The following GRM4 variants were observed in gnomAD, a reference collection of about 807,000 sequenced individuals.
GRM4 encodes metabotropic glutamate receptor 4.
In GRM4, 28 loss-of-function variants were observed where a neutral mutation model predicts 81.7. The observed-to-expected ratio is 0.34, with a 90% CI of 0.25 to 0.47. The LOEUF is 0.47. Ranked by LOEUF, GRM4 falls within the 20% of genes least tolerant of loss-of-function variation. The pLI is 1.00. For missense variants in GRM4, 948 were observed against 1,290.0 expected, an observed-to-expected ratio of 0.73 and a Z score of 4.06; for synonymous variants, 488 against 528.8, an observed-to-expected ratio of 0.92 and a Z score of 1.06.
At chr6:34,104,566 C>T (rs1393827478) in intron 2 of GRM4, among the ~76,000 whole-genome samples, 7 of 152,152 alleles carry the variant, frequency 4.6e-5, no homozygotes, top group Admixed American at 4.6e-4. Context: ...GAGATTTGAA[C>T]CCAGGTCTGT....
rs1477466875 is a variant in GRM4, at chr6:34,074,339, G to A, written c.737-12311C>T. ...CGAGACATAGCAGGGTTGCGGTGAGGATTAGAGCGGATTGCCCGTGGACAG... is the reference window on the plus strand; with the variant it reads ...CGAGACATAGCAGGGTTGCGGTGAGAATTAGAGCGGATTGCCCGTGGACAG... On this transcript the variant is annotated intron_variant, in intron 3 of 10. Transcript: ENST00000538487. The surrounding 1 kb of genome is among the most constrained non-coding windows in gnomAD (Gnocchi z 4.9). Among the ~76,000 whole-genome samples, 4 of 152,220 alleles carry A rather than the reference G, an allele frequency of 2.6e-5. No individual in the cohort carries two copies. The highest frequency in any genetic ancestry group is 3.2e-3 in the Middle Eastern group (1 of 316).
chr6:34,135,197 C>A (rs1008979477), intron 1 of GRM4, among the ~76,000 whole-genome samples: 5 of 152,188 alleles, frequency 3.3e-5, no homozygotes, highest in African/African-American at 1.2e-4. Flanking sequence ...TCATCCCTCC[C>A]CCGTCATTCC....
intron 3 of GRM4, among the ~76,000 whole-genome samples, chr6:34,065,894 G>A (rs978624086): frequency 1.3e-5 from 2 of 152,104 alleles, no homozygotes; most frequent in African/African-American, 2.4e-5. Context: ...TCACCACTGC[G>A]CTGGGAAGTT....
chr6:34,145,679 A>AG, intron 1 of GRM4, among the ~76,000 whole-genome samples: 1 of 152,204 alleles, frequency 6.6e-6, no homozygotes, highest in Non-Finnish European at 1.5e-5. Flanking sequence ...GGGAAGCGCA[A>AG]GGGGGCGAGG....
rs571835812 is a variant in GRM4, at chr6:34,080,488, A to G, written c.736+11395T>C. 9.8e-5 allele frequency among the ~76,000 whole-genome samples: 15 copies of G among 152,352 alleles called. No homozygotes were observed. Among genetic ancestry groups the G allele is most frequent in the African/African-American group, 3.1e-4 (13 of 41,582 alleles). Reference sequence around the variant, plus strand: ...AGTGTCCTGGTCCAATGCCTGGCACATAGTCAGTGCTCAATAAATATTCAT... The same window carrying G: ...AGTGTCCTGGTCCAATGCCTGGCACGTAGTCAGTGCTCAATAAATATTCAT... On this transcript the variant is annotated intron_variant, in intron 3 of 10. Transcript: ENST00000538487. The surrounding 1 kb of genome is among the most constrained non-coding windows in gnomAD (Gnocchi z 5.4).
chr6:34,022,880 G>A lies in GRM4; in HGVS notation c.2690-10C>T, dbSNP rs756555599. ...TGTTTGGTGGCCAGCGCTGGAAGGA[G>A]AGAGACCAGGGGTACCCAGGAGTCA... On this transcript the variant is annotated splice_polypyrimidine_tract_variant and intron_variant, in intron 10 of 10. Transcript: ENST00000538487. This position sits in a 1 kb window ranked among gnomAD's most constrained non-coding sequence, Gnocchi z 5.6. The A allele has an allele frequency of 2.5e-6, 4 of 1,612,356 alleles. No individual in the cohort carries two copies. The highest frequency in any genetic ancestry group is 1.6e-4 in the Middle Eastern group (1 of 6,082).
intron 3 of GRM4, among the ~76,000 whole-genome samples, chr6:34,087,643 G>C (rs1767969678): frequency 6.6e-6 from 1 of 151,440 alleles, no homozygotes; most frequent in Non-Finnish European, 1.5e-5. Context: ...TTGACAGGGA[G>C]GAAGAAGTCC....
chr6:34,144,780 A>C (rs1165020103), intron 1 of GRM4, among the ~76,000 whole-genome samples: 1 of 152,062 alleles, frequency 6.6e-6, no homozygotes, highest in Non-Finnish European at 1.5e-5. Context: ...ACGACCCTCC[A>C]TCCGGTGGAA....
At chr6:34,099,454 C>T (rs1361336523) in intron 2 of GRM4, among the ~76,000 whole-genome samples, 1 of 151,358 alleles carries the variant, frequency 6.6e-6, no homozygotes, top group East Asian at 1.9e-4. Flanking sequence ...AGGCACTTAG[C>T]GGGAGACTCA....
intron 1 of GRM4, among the ~76,000 whole-genome samples, chr6:34,135,422 G>A (rs149592932): frequency 2.5e-4 from 38 of 152,272 alleles, no homozygotes; most frequent in African/African-American, 8.7e-4. Flanking sequence ...CAGGTGAACC[G>A]GTAGCCCAGA....
chr6:34,051,238 C>A (rs1381794649), intron 6 of GRM4, among the ~76,000 whole-genome samples: 1 of 152,240 alleles, frequency 6.6e-6, no homozygotes, highest in East Asian at 1.9e-4. Context: ...TGACTCTGGG[C>A]AAGTCCCTAA....
rs933879350 is a variant in GRM4, at chr6:34,064,585, A to G, written c.737-2557T>C. On this transcript the variant is annotated intron_variant, in intron 3 of 10. Coordinates refer to ENST00000538487, the MANE Select transcript of GRM4 (RefSeq NM_000841.4). This position sits in a 1 kb window ranked among gnomAD's most constrained non-coding sequence, Gnocchi z 4.4. Reference sequence around the variant, plus strand: ...TTGCTGCCCCCAGGATGAGAAACCAAGTGCCCGTGGGTTCCCTCTGTTTCA... The same window carrying G: ...TTGCTGCCCCCAGGATGAGAAACCAGGTGCCCGTGGGTTCCCTCTGTTTCA... Among the ~76,000 whole-genome samples, 4 of 152,208 alleles carry G rather than the reference A, an allele frequency of 2.6e-5. No individual in the cohort carries two copies. The highest frequency in any genetic ancestry group is 5.9e-5 in the Non-Finnish European group (4 of 68,020).
chr6:34,037,617 C>A (rs1315992713), intron 8 of GRM4, among the ~76,000 whole-genome samples: 1 of 152,062 alleles, frequency 6.6e-6, no homozygotes, highest in Admixed American at 6.6e-5. Context: ...GTAATCCCAG[C>A]ACTTTGGGAG....
chr6:34,079,838 C>T (rs184180710), intron 3 of GRM4, among the ~76,000 whole-genome samples: 151 of 152,298 alleles, frequency 9.9e-4, no homozygotes, highest in African/African-American at 3.5e-3. Flanking sequence ...ACCCTTGGTC[C>T]AGGCCATTGT....
intron 2 of GRM4, among the ~76,000 whole-genome samples, chr6:34,094,267 G>A (rs1225632576): frequency 1.3e-5 from 2 of 152,194 alleles, no homozygotes; most frequent in East Asian, 3.8e-4. Flanking sequence ...GGATATGGCA[G>A]GGACCTTTCA....
intron 7 of GRM4, 41 bp downstream of exon 7, chr6:34,040,507 A>G (rs1486683238): frequency 3.8e-6 from 6 of 1,563,362 alleles, no homozygotes; most frequent in Non-Finnish European, 4.4e-6. Flanking sequence ...GGCATGGCCC[A>G]GGATACCCAG....
rs1765436485 is a variant in GRM4, at chr6:34,048,019, T to C, written c.1169-7271A>G. Among the ~76,000 whole-genome samples, 1 of 152,118 alleles carries C rather than the reference T, an allele frequency of 6.6e-6. No individual in the cohort carries two copies. Among genetic ancestry groups the C allele is most frequent in the Non-Finnish European group, 1.5e-5 (1 of 68,018 alleles). On this transcript the variant is annotated intron_variant, in intron 6 of 10. Coordinates refer to ENST00000538487, the MANE Select transcript of GRM4 (RefSeq NM_000841.4). The surrounding 1 kb of genome is among the most constrained non-coding windows in gnomAD (Gnocchi z 4.0). ...TATGACAGTGAAGCCCAACTGTAAA[T>C]GACCACAGCAGCAGAGAAGCCGTGT...
upstream of GRM4, among the ~76,000 whole-genome samples, chr6:34,150,456 C>T (rs1378782947): frequency 6.6e-6 from 1 of 151,866 alleles, no homozygotes; most frequent in African/African-American, 2.4e-5. Context: ...GAGGTCAAGG[C>T]AGCTGGGAAG....
chr6:34,143,161 G>C (rs754198287), intron 1 of GRM4, among the ~76,000 whole-genome samples: 2 of 152,138 alleles, frequency 1.3e-5, no homozygotes, highest in African/African-American at 2.4e-5. Flanking sequence ...TGAAGGTATT[G>C]GCAGGTAGGC....
Sources: gnomAD v4.1 joint callset for allele counts (sites outside exome capture counted in the v4.1 genomes callset) on GRCh38, gnomAD v4.1.1 for gene constraint, Gnocchi (gnomAD v3.1) non-coding constraint, MANE v1.5 for transcripts, NCBI Gene and HGNC (gene_info 2026-07-23, HGNC 2026-07-21) for gene names.